The following PLCG2 variants were observed in gnomAD, a reference collection of about 807,000 sequenced individuals.
The protein encoded by PLCG2 is phospholipase C gamma 2.
PLCG2 carries 69 observed loss-of-function variants against 175.6 expected under a neutral mutation model. The ratio of observed to expected loss-of-function variants is 0.39; its 90% CI spans 0.32 to 0.48. The LOEUF is 0.48. Among genes scored for constraint, PLCG2 ranks in the 20% least tolerant of loss-of-function variants. PLCG2 has a pLI of 0.91. For synonymous variants in PLCG2, 827 were observed against 624.0 expected, an observed-to-expected ratio of 1.33 and a Z score of -4.85; for missense variants, 1,798 against 1,650.9, an observed-to-expected ratio of 1.09 and a Z score of -1.54.
chr16:81,919,441 A>G (rs376162757), intron 19 of PLCG2, 43 bp from the exon 20 acceptor site: 3 of 1,546,342 alleles, frequency 1.9e-6, no homozygotes, highest in Non-Finnish European at 2.7e-6. Flanking sequence ...TTGTTTGGCC[A>G]CCAGGATCTT....
chr16:81,876,087 A>G (rs1907775683), intron 7 of PLCG2, among the ~76,000 whole-genome samples: 1 of 135,306 alleles, frequency 7.4e-6, no homozygotes, highest in Non-Finnish European at 1.5e-5. Flanking sequence ...GTGCAGTGGT[A>G]CAATCATGGC....
intron 1 of PLCG2, among the ~76,000 whole-genome samples, chr16:81,782,391 T>A (rs1008582518): frequency 2.6e-5 from 4 of 152,216 alleles, no homozygotes; most frequent in South Asian, 2.1e-4. Context: ...GGCTTTTTTT[T>A]TTCTTTTTTT....
intron 14 of PLCG2, among the ~76,000 whole-genome samples, chr16:81,902,617 C>T (rs1024082092): frequency 6.6e-6 from 1 of 151,950 alleles, no homozygotes; most frequent in Non-Finnish European, 1.5e-5. Flanking sequence ...CTCATTCCCA[C>T]TTATGAGAGC....
chr16:81,820,421 G>C (rs78064438), intron 2 of PLCG2, among the ~76,000 whole-genome samples: 2,241 of 152,234 alleles, frequency 0.015, 52 homozygotes, highest in African/African-American at 0.052. Flanking sequence ...GAATGAAACA[G>C]TAGACTGTGT....
intron 21 of PLCG2, among the ~76,000 whole-genome samples, chr16:81,922,140 G>A (rs138040387): frequency 2.6e-5 from 4 of 152,272 alleles, no homozygotes; most frequent in Admixed American, 2.0e-4. Flanking sequence ...GTTTGCAGGT[G>A]GGGGAGAGAA....
intron 30 of PLCG2, among the ~76,000 whole-genome samples, chr16:81,942,454 A>T (rs1467986205): frequency 6.6e-6 from 1 of 152,202 alleles, no homozygotes; most frequent in Non-Finnish European, 1.5e-5. Context: ...TGGCACATCC[A>T]TATTCATGGG....
intron 2 of PLCG2, among the ~76,000 whole-genome samples, chr16:81,827,043 G>T (rs768937702): frequency 1.3e-5 from 2 of 152,108 alleles, no homozygotes; most frequent in Non-Finnish European, 2.9e-5. Context: ...CTCATGTTTT[G>T]CAGATTCCTA....
At chr16:81,913,536 C>G (rs528815211) in intron 19 of PLCG2, among the ~76,000 whole-genome samples, 3 of 152,262 alleles carry the variant, frequency 2.0e-5, no homozygotes, top group African/African-American at 7.2e-5. Flanking sequence ...AAGCTCTTCA[C>G]TCCAGAGTCT....
intron 5 of PLCG2, among the ~76,000 whole-genome samples, chr16:81,867,035 C>G (rs1215199406): frequency 6.6e-6 from 1 of 152,254 alleles, no homozygotes; most frequent in Non-Finnish European, 1.5e-5. Flanking sequence ...TGGGTGCTGT[C>G]CCTGTGGTAC....
chr16:81,790,724 A>G (rs1369386202), intron 2 of PLCG2, among the ~76,000 whole-genome samples: 1 of 152,186 alleles, frequency 6.6e-6, no homozygotes, highest in African/African-American at 2.4e-5. Flanking sequence ...CCTAGGTCCT[A>G]CTGTCTAAAG....
At chr16:81,893,561 C>A (rs1253490112) in intron 11 of PLCG2, 148 bp from the exon 12 acceptor site, 10 of 649,034 alleles carry the variant, frequency 1.5e-5, no homozygotes, top group Non-Finnish European at 1.6e-5. Context: ...CTGTCCTAGG[C>A]CTTAGCTTTG....
chr16:81,755,574 G>T (rs1192828674), intron 1 of PLCG2, among the ~76,000 whole-genome samples: 1 of 151,740 alleles, frequency 6.6e-6, no homozygotes, highest in Admixed American at 6.6e-5. Context: ...CGCCCAAGCT[G>T]GAGTGGGGTG....
At chr16:81,863,985 G>A (rs1458759082) in intron 5 of PLCG2, among the ~76,000 whole-genome samples, 1 of 152,200 alleles carries the variant, frequency 6.6e-6, no homozygotes, top group East Asian at 1.9e-4. Context: ...GCAGAGCCAC[G>A]GCAGTAGTGA....
At chr16:81,894,272 T>TA (rs139734873) in intron 12 of PLCG2, among the ~76,000 whole-genome samples, 1,953 of 151,972 alleles carry the variant, frequency 0.013, 35 homozygotes, top group African/African-American at 0.045. Flanking sequence ...TTACGAAAAG[T>TA]AAAAAAATTA....
At chr16:81,862,957 CTTCCCT>C (rs1372694300) in intron 5 of PLCG2, among the ~76,000 whole-genome samples, 1 of 152,106 alleles carries the variant, frequency 6.6e-6, no homozygotes, top group African/African-American at 2.4e-5. Flanking sequence ...ATGCAGAAAT[CTTCCCT>C]TCCCCACCCT....
chr16:81,951,313 G>A (rs1433623726), intron 31 of PLCG2, among the ~76,000 whole-genome samples: 1 of 152,018 alleles, frequency 6.6e-6, no homozygotes, highest in East Asian at 1.9e-4. Context: ...GAATAAAGAG[G>A]AAAAACATGT....
intron 23 of PLCG2, among the ~76,000 whole-genome samples, chr16:81,928,203 G>A (rs10163388): frequency 0.057 from 8,637 of 152,108 alleles, 826 homozygotes; most frequent in African/African-American, 0.2. Flanking sequence ...TTCTTGAGCC[G>A]GGCTTTAGTA....
chr16:81,772,472 A>T (rs1475320510), intron 2 of PLCG2, among the ~76,000 whole-genome samples: 2 of 151,998 alleles, frequency 1.3e-5, no homozygotes, highest in Admixed American at 1.3e-4. Flanking sequence ...TTTGGAAGGT[A>T]AGACACGGGG....
chr16:81,909,813 G>A (rs1018591438), intron 17 of PLCG2, among the ~76,000 whole-genome samples: 6 of 152,126 alleles, frequency 3.9e-5, no homozygotes, highest in Admixed American at 2.0e-4. Flanking sequence ...GTGTGGTCTC[G>A]TTTACTCTTC....
Sources: allele counts gnomAD v4.1 joint callset (sites outside exome capture counted in the v4.1 genomes callset), GRCh38; gene constraint gnomAD v4.1.1; transcripts MANE v1.5; gene names NCBI Gene and HGNC (gene_info 2026-07-23, HGNC 2026-07-21).